NTNG2: variants seen among roughly 807,000 people sequenced by gnomAD.
NTNG2 encodes netrin G2, also known as netrin-G2.
In NTNG2, 15 loss-of-function variants were observed where a neutral mutation model predicts 47.6. That is an observed-to-expected ratio of 0.32 (90% CI 0.21 to 0.49). The LOEUF (loss-of-function observed/expected upper bound fraction) is 0.49. Ranked by LOEUF, NTNG2 falls within the 20% of genes least tolerant of loss-of-function variation. The pLI is 0.99. For synonymous variants in NTNG2, 307 were observed against 324.6 expected, an observed-to-expected ratio of 0.95 and a Z score of 0.58; for missense variants, 578 against 764.6, an observed-to-expected ratio of 0.76 and a Z score of 2.88.
chr9:132,193,826 T>C (rs1172583191), intron 2 of NTNG2, among the ~76,000 whole-genome samples: 1 of 152,152 alleles, frequency 6.6e-6, no homozygotes, highest in African/African-American at 2.4e-5. Context: ...TTCTGGAGGC[T>C]GAAAGTCCAA....
In NTNG2 at chr9:132,197,837, C is replaced by T. The variant is rs1005086030; in HGVS notation, c.214-129C>T. 7.9e-5 allele frequency: 66 copies of T among 837,282 alleles called. No homozygotes were observed. The East Asian group carries it at 1.2e-3, about 16-fold the overall frequency. The allele number at this position is 837,282 out of a possible 1,614,324, so 51.9% of individuals were successfully genotyped here. A position where few individuals can be genotyped will look rare whatever the true frequency, so the allele number is the denominator to read the frequency against. Reference sequence around the variant, plus strand: ...AAATCTCCCAGCTGTGTCTGGGCACCGGAGCACAGGCCCTGTAGCCACAGA... The same window carrying T: ...AAATCTCCCAGCTGTGTCTGGGCACTGGAGCACAGGCCCTGTAGCCACAGA... On this transcript the variant is annotated intron_variant, in intron 2 of 7. Coordinates refer to ENST00000393229, the MANE Select transcript of NTNG2 (RefSeq NM_032536.4). The surrounding 1 kb of genome is among the most constrained non-coding windows in gnomAD (Gnocchi z 4.3).
intron 5 of NTNG2, chr9:132,232,451 G>A (rs953318160): frequency 1.3e-5 from 2 of 152,586 alleles, no homozygotes; most frequent in African/African-American, 4.8e-5. Context: ...GCCACAGACA[G>A]GCATGGAAAC....
intron 3 of NTNG2, among the ~76,000 whole-genome samples, chr9:132,220,781 C>T (rs189177739): frequency 4.6e-5 from 7 of 152,258 alleles, no homozygotes; most frequent in African/African-American, 1.7e-4. Context: ...TTCTAGTTTG[C>T]AGCTCTTTGA....
chr9:132,227,729 C>T (rs1214594627), intron 4 of NTNG2, among the ~76,000 whole-genome samples: 1 of 152,212 alleles, frequency 6.6e-6, no homozygotes, highest in Admixed American at 6.5e-5. Context: ...GAGCCATCCT[C>T]AGGGCCTGCC....
chr9:132,220,786 C>A (rs1030271009), intron 3 of NTNG2, among the ~76,000 whole-genome samples: 32 of 152,148 alleles, frequency 2.1e-4, no homozygotes, highest in Admixed American at 1.5e-3. Context: ...GTTTGCAGCT[C>A]TTTGATCCAT....
In NTNG2 at chr9:132,218,906, C is replaced by T. The variant is rs929318848; in HGVS notation, c.858-7943C>T. ...AAGCCCTTCCCTGTTTCCACACATC[C>T]CGATCATTCATTCACTCACAGCTTT... On this transcript the variant is annotated intron_variant, in intron 3 of 7. Coordinates refer to ENST00000393229, the MANE Select transcript of NTNG2 (RefSeq NM_032536.4). The surrounding 1 kb of genome is among the most constrained non-coding windows in gnomAD (Gnocchi z 5.4). Among the ~76,000 whole-genome samples, 1 of 152,240 alleles carries T rather than the reference C, an allele frequency of 6.6e-6. No homozygotes were observed. Among genetic ancestry groups the T allele is most frequent in the African/African-American group, 2.4e-5 (1 of 41,460 alleles).
At chr9:132,219,999 A>G (rs961926388) in intron 3 of NTNG2, among the ~76,000 whole-genome samples, 1 of 152,226 alleles carries the variant, frequency 6.6e-6, no homozygotes, top group African/African-American at 2.4e-5. Flanking sequence ...CCTCACCAGC[A>G]GGTGATTATC....
intron 2 of NTNG2, among the ~76,000 whole-genome samples, chr9:132,168,951 T>C (rs1354449731): frequency 6.6e-6 from 1 of 152,248 alleles, no homozygotes; most frequent in South Asian, 2.1e-4. Context: ...TAGGGTGTCA[T>C]TGGCCCTGGA....
chr9:132,209,736 A>G (rs1839445356), intron 3 of NTNG2, among the ~76,000 whole-genome samples: 1 of 152,176 alleles, frequency 6.6e-6, no homozygotes, highest in East Asian at 1.9e-4. Context: ...AAATAGGGGT[A>G]AAAAAGAGGG....
At chr9:132,179,259 TG>T (rs1836744015) in intron 2 of NTNG2, among the ~76,000 whole-genome samples, 1 of 152,242 alleles carries the variant, frequency 6.6e-6, no homozygotes, top group Admixed American at 6.5e-5. Context: ...CTGCAGCCAG[TG>T]GGGGCCGGAG....
Position 132,218,976 on chromosome 9 carries a change from G to A in NTNG2, c.858-7873G>A, listed in dbSNP as rs1056940944. 3.9e-5 allele frequency among the ~76,000 whole-genome samples: 6 copies of A among 152,134 alleles called. 1 individual carries two copies. Among genetic ancestry groups the A allele is most frequent in the South Asian group, 4.1e-4 (2 of 4,830 alleles). On this transcript the variant is annotated intron_variant, in intron 3 of 7. Transcript: ENST00000393229. The surrounding 1 kb of genome is among the most constrained non-coding windows in gnomAD (Gnocchi z 5.4). ...GTTGTACAATCCACACATGTAAAGC[G>A]TACAATTCAGTCGCTTTTAGGTTAT... is the stretch of plus-strand genomic sequence containing the variant.
chr9:132,166,562 C>G lies in NTNG2; in HGVS notation c.-270C>G, dbSNP rs1462729300. On this transcript the variant is annotated 5_prime_UTR_variant, in exon 2 of 8. Coordinates refer to ENST00000393229, the MANE Select transcript of NTNG2 (RefSeq NM_032536.4). ...TTCACCTCCAGGGGAGGTGTGATACCAGGGTTAGGAGGACGTGAAGTTATG... is the reference window on the plus strand; with the variant it reads ...TTCACCTCCAGGGGAGGTGTGATACGAGGGTTAGGAGGACGTGAAGTTATG... 10 of 491,540 alleles carry G rather than the reference C, an allele frequency of 2.0e-5. No homozygotes were observed. In the East Asian group the frequency reaches 3.6e-4, roughly 18 times the overall value. The allele number at this position is 491,540 out of a possible 1,614,324, so 30.4% of individuals were successfully genotyped here.
chr9:132,180,625 G>A lies in NTNG2; in HGVS notation c.213+13581G>A, dbSNP rs1022521842. Among the ~76,000 whole-genome samples the A allele has an allele frequency of 1.3e-5, 2 of 152,202 alleles. No individual in the cohort carries two copies. Among genetic ancestry groups the A allele is most frequent in the Non-Finnish European group, 2.9e-5 (2 of 68,044 alleles). Reference sequence around the variant, plus strand: ...GGTATAGACTTCCTGCCTGTAAAATGAGGGGGTCTGCAGGTCAACCTCAGA... The same window carrying A: ...GGTATAGACTTCCTGCCTGTAAAATAAGGGGGTCTGCAGGTCAACCTCAGA... On this transcript the variant is annotated intron_variant, in intron 2 of 7. Transcript: ENST00000393229. The surrounding 1 kb of genome is among the most constrained non-coding windows in gnomAD (Gnocchi z 4.2).
rs1838513396 is a variant in NTNG2, at chr9:132,198,715, C to T, written c.857+106C>T. 8.0e-6 allele frequency: 10 copies of T among 1,252,334 alleles called. 1 individual carries two copies. The highest frequency in any genetic ancestry group is 5.0e-5 in the East Asian group (2 of 40,200). The allele number at this position is 1,252,334 out of a possible 1,614,324, so 77.6% of individuals were successfully genotyped here. The stretch of plus-strand genomic sequence containing the variant: ...TGTTACCTGGTATGTGGAACATGAC[C>T]GGGTTCTTGGGATGTTACCTGGTTC... On this transcript the variant is annotated intron_variant, in intron 3 of 7. Coordinates refer to ENST00000393229, the MANE Select transcript of NTNG2 (RefSeq NM_032536.4).
At chr9:132,223,147 C>T (rs761332702) in intron 3 of NTNG2, among the ~76,000 whole-genome samples, 17 of 152,072 alleles carry the variant, frequency 1.1e-4, no homozygotes, top group Non-Finnish European at 2.1e-4. Flanking sequence ...CTGGATTTAC[C>T]ATAATTTCCC....
chr9:132,194,517 A>G (rs1475147182), intron 2 of NTNG2, among the ~76,000 whole-genome samples: 1 of 152,098 alleles, frequency 6.6e-6, no homozygotes, highest in African/African-American at 2.4e-5. Flanking sequence ...CCCCCGCCCC[A>G]TGTCCCTCTG....
intron 3 of NTNG2, among the ~76,000 whole-genome samples, chr9:132,213,832 A>G (rs1839782661): frequency 6.6e-6 from 1 of 152,246 alleles, no homozygotes; most frequent in South Asian, 2.1e-4. Flanking sequence ...CTGCGAGGCC[A>G]GTCTCAGTAT....
chr9:132,178,262 C>A lies in NTNG2; in HGVS notation c.213+11218C>A, dbSNP rs114940454. 6.6e-3 allele frequency among the ~76,000 whole-genome samples: 1,002 copies of A among 152,070 alleles called. 11 individuals are homozygous for A. Among genetic ancestry groups the A allele is most frequent in the African/African-American group, 0.022 (927 of 41,484 alleles). On this transcript the variant is annotated intron_variant, in intron 2 of 7. Transcript: ENST00000393229. Reference sequence around the variant, plus strand: ...TGGACTTGGATTCTCAGAGCAGGGTCCTTGGAAGGAGATGCTGTGACTTCT... The same window carrying A: ...TGGACTTGGATTCTCAGAGCAGGGTACTTGGAAGGAGATGCTGTGACTTCT...
chr9:132,175,733 G>A (rs555151354), intron 2 of NTNG2, among the ~76,000 whole-genome samples: 3 of 152,304 alleles, frequency 2.0e-5, no homozygotes, highest in East Asian at 3.9e-4. Context: ...GAATGCCACC[G>A]GGAGTCAGAG....
Sources: gnomAD v4.1 joint callset for allele counts (sites outside exome capture counted in the v4.1 genomes callset) on GRCh38, gnomAD v4.1.1 for gene constraint, Gnocchi (gnomAD v3.1) non-coding constraint, MANE v1.5 for transcripts, NCBI Gene and HGNC (gene_info 2026-07-23, HGNC 2026-07-21) for gene names.